The following CCDC192 variants were observed in gnomAD, a reference collection of about 807,000 sequenced individuals.
CCDC192 encodes coiled-coil domain-containing protein 192.
At chr5:127,883,194 A>G (rs1752423738) in intron 6 of CCDC192, among the ~76,000 whole-genome samples, 2 of 152,220 alleles carry the variant, frequency 1.3e-5, no homozygotes, top group South Asian at 4.1e-4. Flanking sequence ...ACAAGAACTT[A>G]TGAAAACAAA....
chr5:127,733,832 A>G (rs1400363226), intron 2 of CCDC192, among the ~76,000 whole-genome samples: 1 of 145,246 alleles, frequency 6.9e-6, no homozygotes, highest in Non-Finnish European at 1.5e-5. Context: ...TCTCATCCAC[A>G]TTGAAGTTTC....
intron 6 of CCDC192, among the ~76,000 whole-genome samples, chr5:127,894,039 G>A (rs1474150748): frequency 2.6e-5 from 4 of 151,894 alleles, no homozygotes; most frequent in Non-Finnish European, 4.4e-5. Context: ...TTGTAAAAGA[G>A]TTGAGACAAA....
chr5:127,931,684 C>T (rs1244907782), intron 6 of CCDC192, among the ~76,000 whole-genome samples: 2 of 152,018 alleles, frequency 1.3e-5, no homozygotes, highest in Non-Finnish European at 2.9e-5. Flanking sequence ...TTCCCAGGCA[C>T]CCTTCTAGAG....
chr5:127,860,122 C>T (rs1751293613), intron 5 of CCDC192, among the ~76,000 whole-genome samples: 1 of 152,142 alleles, frequency 6.6e-6, no homozygotes, highest in African/African-American at 2.4e-5. Flanking sequence ...CCAGATCACC[C>T]TACATAAAGC....
chr5:127,707,392 C>T (rs570751101), intron 1 of CCDC192, among the ~76,000 whole-genome samples: 1 of 130,302 alleles, frequency 7.7e-6, no homozygotes, highest in Admixed American at 8.0e-5. Context: ...GGAGGTTATG[C>T]TTTCCTCTCC....
intron 5 of CCDC192, among the ~76,000 whole-genome samples, chr5:127,828,373 T>C (rs1749634711): frequency 6.6e-6 from 1 of 152,212 alleles, no homozygotes; most frequent in Non-Finnish European, 1.5e-5. Context: ...ATCACACCTT[T>C]AGAGTCATCT....
At chr5:127,898,154 G>C (rs1451837581) in intron 6 of CCDC192, among the ~76,000 whole-genome samples, 1 of 151,888 alleles carries the variant, frequency 6.6e-6, no homozygotes. Context: ...TGTTGCCCAG[G>C]CTTGAGTGCA....
chr5:127,810,521 T>C (rs895714685), intron 5 of CCDC192, among the ~76,000 whole-genome samples: 1 of 152,032 alleles, frequency 6.6e-6, no homozygotes, highest in Non-Finnish European at 1.5e-5. Flanking sequence ...GGATTTTTGT[T>C]AAGCAGCCCT....
chr5:127,830,233 T>TGGTA (rs762487482), intron 5 of CCDC192, among the ~76,000 whole-genome samples: 4 of 152,196 alleles, frequency 2.6e-5, no homozygotes, highest in Non-Finnish European at 5.9e-5. Flanking sequence ...GTCAAGAGTT[T>TGGTA]GGTAGATACA....
At chr5:127,924,422 G>A (rs1753811094) in intron 6 of CCDC192, among the ~76,000 whole-genome samples, 1 of 152,158 alleles carries the variant, frequency 6.6e-6, no homozygotes, top group African/African-American at 2.4e-5. Flanking sequence ...AAGTCTTAAT[G>A]GTAACCGTGC....
At chr5:127,727,874 A>G (rs1424329954) in intron 2 of CCDC192, among the ~76,000 whole-genome samples, 1 of 152,240 alleles carries the variant, frequency 6.6e-6, no homozygotes, top group African/African-American at 2.4e-5. Context: ...TGAAAAACAC[A>G]ACATGAGAAC....
At position 127,719,113 on chromosome 5, in the gene CCDC192, A is replaced by G. The variant is rs368986423; in HGVS notation, c.114+11353A>G. 1.4e-4 allele frequency among the ~76,000 whole-genome samples: 21 copies of G among 152,168 alleles called. No individual in the cohort carries two copies. The South Asian group carries it at 2.3e-3, about 17-fold the overall frequency. ...TTATCTCCATGGATTCAATTGTTTTAATTTTTAGCTCCCAAAAATAAGTGA... is the reference window on the plus strand; with the variant it reads ...TTATCTCCATGGATTCAATTGTTTTGATTTTTAGCTCCCAAAAATAAGTGA... On this transcript the variant is annotated intron_variant, in intron 2 of 6. Coordinates refer to ENST00000514853, the MANE Select transcript of CCDC192 (RefSeq NM_001317938.2).
intron 6 of CCDC192, among the ~76,000 whole-genome samples, chr5:127,905,782 G>C (rs1011983476): frequency 2.0e-5 from 3 of 152,096 alleles, no homozygotes; most frequent in African/African-American, 4.8e-5. Context: ...ATCATCCAAG[G>C]TGAGAATCAT....
intron 5 of CCDC192, among the ~76,000 whole-genome samples, chr5:127,851,227 T>C (rs948983559): frequency 3.4e-4 from 52 of 152,302 alleles, no homozygotes; most frequent in African/African-American, 1.2e-3. Flanking sequence ...CTAAGAACCC[T>C]GAGCAGGGAT....
intron 5 of CCDC192, among the ~76,000 whole-genome samples, chr5:127,868,086 G>GTCTA (rs1751690381): frequency 1.4e-5 from 2 of 146,582 alleles, no homozygotes; most frequent in Admixed American, 1.4e-4. Flanking sequence ...GTTTCTCCCT[G>GTCTA]TCTATGTATA....
intron 6 of CCDC192, among the ~76,000 whole-genome samples, chr5:127,913,031 GA>G (rs1273874446): frequency 1.3e-5 from 2 of 152,154 alleles, no homozygotes; most frequent in Non-Finnish European, 2.9e-5. Context: ...AGCCATAGAG[GA>G]AATGTTCTGG....
chr5:127,758,321 TG>T (rs1754728301), intron 3 of CCDC192, among the ~76,000 whole-genome samples: 1 of 152,176 alleles, frequency 6.6e-6, no homozygotes, highest in African/African-American at 2.4e-5. Context: ...ATAAGAAGGT[TG>T]TGGCCACTTC....
At chr5:127,721,391 C>T (rs945973920) in intron 2 of CCDC192, among the ~76,000 whole-genome samples, 1 of 152,196 alleles carries the variant, frequency 6.6e-6, no homozygotes, top group African/African-American at 2.4e-5. Context: ...TATAACAAAA[C>T]TGACCTTACT....
rs188772342 is a variant in CCDC192 at position 127,907,581 on chromosome 5, G to T, written c.535+31920G>T. On this transcript the variant is annotated intron_variant, in intron 6 of 6. Transcript: ENST00000514853. ...TTTTGCTTTTAAAATAAATGTTAAA[G>T]TCTGACATCTATTTCAAAGGTTTTG... 4.9e-3 allele frequency among the ~76,000 whole-genome samples: 740 copies of T among 152,164 alleles called. 3 individuals carry two copies. Among genetic ancestry groups the T allele is most frequent in the Non-Finnish European group, 7.6e-3 (516 of 67,982 alleles).
Sources: allele counts gnomAD v4.1 joint callset (sites outside exome capture counted in the v4.1 genomes callset), GRCh38; gene constraint gnomAD v4.1.1; transcripts MANE v1.5; gene names NCBI Gene and HGNC (gene_info 2026-07-23, HGNC 2026-07-21).